Variants in ZNF567 observed in about 807,000 individuals in gnomAD.
The protein encoded by ZNF567 is zinc finger protein 567.
A neutral mutation model predicts 53.9 loss-of-function variants in ZNF567; 36 were observed. That is an observed-to-expected ratio of 0.67 (90% CI 0.51 to 0.88). The LOEUF is 0.88. ZNF567 is among the 40% of genes least tolerant of loss of function. The pLI, the probability that ZNF567 is intolerant of heterozygous loss-of-function variation, is 0.00. For synonymous variants in ZNF567, 224 were observed against 260.4 expected (o/e 0.86, Z 1.35); for missense variants, 619 against 764.7 (o/e 0.81, Z 2.25).
chr19:36,691,854 C>A (rs538280550), intron 2 of ZNF567, among the ~76,000 whole-genome samples: 2 of 152,262 alleles, frequency 1.3e-5, no homozygotes, highest in South Asian at 4.2e-4. Flanking sequence ...CACTATGTTG[C>A]CCAGGCTGGT....
At chr19:36,690,390 C>A (rs2038536525) in intron 2 of ZNF567, among the ~76,000 whole-genome samples, 1 of 152,078 alleles carries the variant, frequency 6.6e-6, no homozygotes, top group African/African-American at 2.4e-5. Context: ...TCCAGGAGTT[C>A]AAGACCAGCC....
intron 2 of ZNF567, 41 bp from the exon 3 acceptor site, chr19:36,694,761 G>A (rs1490692925): frequency 6.0e-6 from 6 of 1,000,526 alleles, no homozygotes; most frequent in Non-Finnish European, 8.7e-6. Context: ...AGGCACATGT[G>A]GTCTCATGTG....
chr19:36,671,917 A>G, the ZNF567 span, among the ~76,000 whole-genome samples: 1 of 152,270 alleles, frequency 6.6e-6, no homozygotes, highest in South Asian at 2.1e-4. Context: ...CAGGCCCTGA[A>G]GGCACACATG....
chr19:36,713,649 C>G (rs1160267648), intron 5 of ZNF567, among the ~76,000 whole-genome samples: 1 of 151,298 alleles, frequency 6.6e-6, no homozygotes, highest in Non-Finnish European at 1.5e-5. Context: ...ATATCACTCT[C>G]TCCGGCTGGG....
Position 36,720,821 on chromosome 19 carries a change from C to A in ZNF567, c.*153C>A. The A allele has an allele frequency of 1.6e-6, 1 of 614,878 alleles. No homozygotes were observed. The allele number at this position is 614,878 out of a possible 1,614,324, so 38.1% of individuals were successfully genotyped here. ...GGAATAACTGTCTACTGTTTACTAG[C>A]ATATAAAATAAGTATGATCATTATT... On this transcript the variant is annotated 3_prime_UTR_variant, in exon 6 of 6. Coordinates refer to ENST00000682579, the MANE Select transcript of ZNF567 (RefSeq NM_001322917.1).
intron 3 of ZNF567, among the ~76,000 whole-genome samples, chr19:36,710,203 G>T (rs1225889478): frequency 1.3e-5 from 2 of 149,656 alleles, no homozygotes; most frequent in African/African-American, 4.9e-5. Flanking sequence ...CTATTTCTGT[G>T]CTCCTATCGA....
In ZNF567 at chr19:36,712,368, C is replaced by T. The variant is rs750874772; in HGVS notation, c.10-18C>T. On this transcript the variant is annotated intron_variant, in intron 3 of 5. Coordinates refer to ENST00000682579, the MANE Select transcript of ZNF567 (RefSeq NM_001322917.1). ...TGGCTAAGTCCACCTGTTCTGATTA[C>T]AGTTCCATCCATTCTAGGGATCAGT... 7 of 1,610,672 alleles carry T rather than the reference C, an allele frequency of 4.3e-6. No homozygotes were observed. Among genetic ancestry groups the T allele is most frequent in the Non-Finnish European group, 4.2e-6 (5 of 1,178,152 alleles).
At chr19:36,688,079 A>G (rs2038356112) in intron 1 of ZNF567, among the ~76,000 whole-genome samples, 1 of 152,126 alleles carries the variant, frequency 6.6e-6, no homozygotes, top group African/African-American at 2.4e-5. Flanking sequence ...TGCGTGTCTT[A>G]AGTTTTAATT....
chr19:36,719,162 A>G lies in ZNF567; in HGVS notation c.438A>G (p.Glu146=), dbSNP rs746178851. 4.3e-6 allele frequency: 7 copies of G among 1,612,052 alleles called. No individual in the cohort carries two copies. The highest frequency in any genetic ancestry group is 4.0e-5 in the African/African-American group (3 of 74,778). The part of the protein sequence containing the change: ...THGRILKNVS[E]LIISNLNPAR... ...GAAGGATTTTGAAAAATGTTTCAGA[A>G]TTAATCATCAGTAATCTAAATCCTG... The change falls in exon 6 of 6, where the codon GAA becomes GAG. Residue 146 remains glutamate, a synonymous_variant. Transcript: ENST00000682579.
intron 5 of ZNF567, among the ~76,000 whole-genome samples, chr19:36,713,202 C>T (rs2039876854): frequency 6.6e-6 from 1 of 152,028 alleles, no homozygotes; most frequent in African/African-American, 2.4e-5. Flanking sequence ...CACCTTTCAT[C>T]CCAGCACTTT....
rs1450800249 is a variant in ZNF567, at chr19:36,719,477, A to G, written c.753A>G (p.Lys251=). 1.1e-5 allele frequency: 17 copies of G among 1,610,980 alleles called. No homozygotes were observed. Among genetic ancestry groups the G allele is most frequent in the Non-Finnish European group, 1.4e-5 (16 of 1,179,298 alleles). ...AAAGAAGAGCAACCAATATTGAAAA[A>G]AAACATACATGCAATGAATGTGGGA... ...NKKRRATNIE[K]KHTCNECGKS... is the part of the protein sequence containing the mutation. The change falls in exon 6 of 6, where the codon AAA becomes AAG. Residue 251 remains lysine, a synonymous_variant. Coordinates refer to ENST00000682579, the MANE Select transcript of ZNF567 (RefSeq NM_001322917.1).
chr19:36,681,446 T>C, the ZNF567 span, among the ~76,000 whole-genome samples: 23,860 of 151,740 alleles, frequency 0.16, 2,299 homozygotes, highest in Non-Finnish European at 0.22. Flanking sequence ...TTTTGTTTCT[T>C]TGAGACAAGG....
rs1786908235 is a variant in ZNF567, at chr19:36,694,831, A to G, written c.-37A>G. The G allele has an allele frequency of 6.6e-7, 1 of 1,519,502 alleles. No individual in the cohort carries two copies. The highest frequency in any genetic ancestry group is 8.8e-7 in the Non-Finnish European group (1 of 1,142,600). 94.1% of individuals were successfully genotyped at this position (1,519,502 alleles called of 1,614,324 possible). A position where few individuals can be genotyped will look rare whatever the true frequency, so the allele number is the denominator to read the frequency against. On this transcript the variant is annotated 5_prime_UTR_variant, in exon 3 of 6. Coordinates refer to ENST00000682579, the MANE Select transcript of ZNF567 (RefSeq NM_001322917.1). ...TGCCTCTTTTCTAAAGAGGACTCCA[A>G]AGGAAGGACTGGTCATCTCTTTCAT...
In ZNF567 at chr19:36,719,258, T is replaced by TTTG. The variant is rs769129664; in HGVS notation, c.534_535insTTG (p.His178_Pro179insLeu). On this transcript the variant is annotated inframe_insertion, in exon 6 of 6. Transcript: ENST00000682579. ...TGAGTACTAAACAAGAGACTACTCATCCTGAAGTCAAATCCCATAATCAAA... is the reference window on the plus strand; with the variant it reads ...TGAGTACTAAACAAGAGACTACTCATTTGCCTGAAGTCAAATCCCATAATCAAA... 6.2e-7 allele frequency: 1 copy of TTTG among 1,614,020 alleles called. No homozygotes were observed.
At chr19:36,701,943 T>C (rs1339136761) in intron 3 of ZNF567, among the ~76,000 whole-genome samples, 1 of 151,884 alleles carries the variant, frequency 6.6e-6, no homozygotes, top group East Asian at 1.9e-4. Flanking sequence ...AATATTGTTA[T>C]GTGTGAATTT....
chr19:36,697,943 C>CTT (rs2038973692), intron 3 of ZNF567, among the ~76,000 whole-genome samples: 2 of 133,746 alleles, frequency 1.5e-5, no homozygotes, highest in Non-Finnish European at 3.2e-5. Flanking sequence ...TTTTATTATA[C>CTT]TTTAAGTTTT....
intron 2 of ZNF567, among the ~76,000 whole-genome samples, chr19:36,692,544 G>GTATTTTTATTT (rs754145549): frequency 4.7e-4 from 72 of 151,946 alleles, no homozygotes; most frequent in Admixed American, 1.2e-3. Context: ...GCTAATTTGT[G>GTATTTTTATTT]TATTTTTATT....
At chr19:36,701,883 C>A (rs2039210053) in intron 3 of ZNF567, among the ~76,000 whole-genome samples, 1 of 148,902 alleles carries the variant, frequency 6.7e-6, no homozygotes, top group Admixed American at 6.7e-5. Context: ...ATCCAATTTG[C>A]CAGTCTGTGT....
At chr19:36,706,324 C>G (rs1485459651) in intron 3 of ZNF567, among the ~76,000 whole-genome samples, 2 of 152,184 alleles carry the variant, frequency 1.3e-5, no homozygotes, top group Non-Finnish European at 2.9e-5. Flanking sequence ...GATAGGGCCT[C>G]GCTTTGTAGC....
Sources: allele counts gnomAD v4.1 joint callset (sites outside exome capture counted in the v4.1 genomes callset), GRCh38; gene constraint gnomAD v4.1.1; transcripts MANE v1.5; gene names NCBI Gene and HGNC (gene_info 2026-07-23, HGNC 2026-07-21).